Variants in OCA2 observed in about 807,000 individuals in gnomAD.
The protein encoded by OCA2 is OCA2 melanosomal transmembrane protein, also known as P protein.
In OCA2, 77 loss-of-function variants were observed where a neutral mutation model predicts 100.2. The ratio of observed to expected loss-of-function variants is 0.77; its 90% confidence interval spans 0.64 to 0.93. OCA2 has a LOEUF of 0.93. OCA2 is among the 40% of genes least tolerant of loss of function. The pLI is 0.00. For missense variants in OCA2, 1,062 were observed against 1,089.1 expected (o/e 0.98, Z 0.35); for synonymous variants, 432 against 439.2 (o/e 0.98, Z 0.21).
chr15:27,800,086 A>C (rs551412076), intron 23 of OCA2, among the ~76,000 whole-genome samples: 95 of 152,340 alleles, frequency 6.2e-4, no homozygotes, highest in African/African-American at 2.3e-3. Context: ...GAAAGTAAAT[A>C]ATGCATTTCT....
chr15:28,080,143 C>T (rs1195482759), intron 2 of OCA2, among the ~76,000 whole-genome samples: 1 of 152,174 alleles, frequency 6.6e-6, no homozygotes, highest in Non-Finnish European at 1.5e-5. Context: ...CCACACAGTC[C>T]TTCCGGCCAT....
At position 28,043,989 on chromosome 15, in the gene OCA2, T is replaced by C. The variant is rs541117296; in HGVS notation, c.228-11826A>G. On this transcript the variant is annotated intron_variant, in intron 2 of 23. Coordinates refer to ENST00000354638, the MANE Select transcript of OCA2 (RefSeq NM_000275.3). This position sits in a 1 kb window ranked among gnomAD's most constrained non-coding sequence, Gnocchi z 4.4. ...TGCTTGAGTCCTGGAAAGGAAAACATTGAGCAATGTCAACAGGAACACAGA... is the reference window on the plus strand; with the variant it reads ...TGCTTGAGTCCTGGAAAGGAAAACACTGAGCAATGTCAACAGGAACACAGA... 1.4e-3 allele frequency among the ~76,000 whole-genome samples: 220 copies of C among 152,302 alleles called. No individual in the cohort carries two copies. The highest frequency in any genetic ancestry group is 6.8e-3 in the Middle Eastern group (2 of 294).
chr15:27,994,291 A>G (rs2041652190), intron 9 of OCA2, among the ~76,000 whole-genome samples: 1 of 152,110 alleles, frequency 6.6e-6, no homozygotes, highest in Non-Finnish European at 1.5e-5. Context: ...CTAATGCCCG[A>G]TGATCTGAGG....
At chr15:28,042,762 C>T (rs573809588) in intron 2 of OCA2, among the ~76,000 whole-genome samples, 1 of 151,890 alleles carries the variant, frequency 6.6e-6, no homozygotes, top group South Asian at 2.1e-4. Context: ...ATTGCCAAAC[C>T]AAGATGCCCT....
At chr15:28,051,502 G>A (rs2043512467) in intron 2 of OCA2, among the ~76,000 whole-genome samples, 1 of 151,806 alleles carries the variant, frequency 6.6e-6, no homozygotes, top group Non-Finnish European at 1.5e-5. Flanking sequence ...ATGTTGATCA[G>A]GCTGGTCTCA....
At position 27,968,868 on chromosome 15, in the gene OCA2, G is replaced by T. The variant is rs374851811; in HGVS notation, c.1504-2046C>A. Among the ~76,000 whole-genome samples the T allele has an allele frequency of 9.0e-4, 137 of 152,162 alleles. 3 individuals carry two copies. In the South Asian group the frequency reaches 0.027, roughly 29 times the overall value. On this transcript the variant is annotated intron_variant, in intron 14 of 23. Coordinates refer to ENST00000354638, the MANE Select transcript of OCA2 (RefSeq NM_000275.3). ...CCACTTTCCCGATAGTTCTTCAATG[G>T]GGGTATTACATTGAATTTTGTGTTT...
intron 14 of OCA2, 141 bp from the exon 15 acceptor site, chr15:27,966,963 A>C (rs1176457055): frequency 1.5e-5 from 14 of 947,192 alleles, no homozygotes; most frequent in Non-Finnish European, 2.3e-5. Context: ...ACCTGTCTCT[A>C]CTAAAAAATA....
the OCA2 span, among the ~76,000 whole-genome samples, chr15:27,725,612 A>G: frequency 6.6e-6 from 1 of 152,164 alleles, no homozygotes; most frequent in Non-Finnish European, 1.5e-5. Context: ...ACGTTTCTCA[A>G]CACGGGAGCA....
chr15:28,072,410 A>T (rs938187494), intron 2 of OCA2, among the ~76,000 whole-genome samples: 1 of 152,122 alleles, frequency 6.6e-6, no homozygotes, highest in Non-Finnish European at 1.5e-5. Flanking sequence ...TAACACGGTG[A>T]AACCCCATCT....
intron 1 of OCA2, among the ~76,000 whole-genome samples, chr15:28,087,380 A>C (rs2044793751): frequency 1.3e-5 from 2 of 152,230 alleles, no homozygotes; most frequent in Non-Finnish European, 2.9e-5. Context: ...CCCTGAAAGA[A>C]TGGCTACAGG....
At chr15:27,923,751 G>C (rs1209597517) in intron 19 of OCA2, among the ~76,000 whole-genome samples, 1 of 151,934 alleles carries the variant, frequency 6.6e-6, no homozygotes, top group African/African-American at 2.4e-5. Flanking sequence ...TATAGACTTT[G>C]GTTCCTATTA....
At chr15:27,789,198 T>C (rs1204391222) in intron 23 of OCA2, among the ~76,000 whole-genome samples, 1 of 137,398 alleles carries the variant, frequency 7.3e-6, no homozygotes, top group Non-Finnish European at 1.6e-5. Flanking sequence ...TCCAGTGCTC[T>C]TTTTTTTTCT....
intron 2 of OCA2, among the ~76,000 whole-genome samples, chr15:28,046,950 T>G (rs2043366077): frequency 6.6e-6 from 1 of 152,132 alleles, no homozygotes; most frequent in Non-Finnish European, 1.5e-5. Context: ...TCTTTGAAAA[T>G]TTTGGGATCC....
At position 27,978,291 on chromosome 15, in the gene OCA2, T is replaced by C. The variant is rs549953357; in HGVS notation, c.1503+5054A>G. On this transcript the variant is annotated intron_variant, in intron 14 of 23. Coordinates refer to ENST00000354638, the MANE Select transcript of OCA2 (RefSeq NM_000275.3). ...TTCTGATATTGAGTGGCGTTTTCTATAAATATCAACTAGGTCATGTTAGTT... is the reference window on the plus strand; with the variant it reads ...TTCTGATATTGAGTGGCGTTTTCTACAAATATCAACTAGGTCATGTTAGTT... Among the ~76,000 whole-genome samples the C allele has an allele frequency of 2.6e-5, 4 of 152,338 alleles. No individual in the cohort carries two copies. In the South Asian group the frequency reaches 8.3e-4, roughly 32 times the overall value.
At chr15:27,943,610 G>A (rs980615560) in intron 18 of OCA2, among the ~76,000 whole-genome samples, 4 of 145,630 alleles carry the variant, frequency 2.7e-5, no homozygotes, top group Admixed American at 1.4e-4. Flanking sequence ...CTCGGCACAC[G>A]TATACATATG....
intron 9 of OCA2, among the ~76,000 whole-genome samples, chr15:28,009,595 G>A (rs1293572086): frequency 1.3e-5 from 2 of 151,898 alleles, no homozygotes; most frequent in Non-Finnish European, 2.9e-5. Context: ...GGCTGAGGCA[G>A]GGGAATCACT....
chr15:27,880,617 G>A (rs1478299173), intron 19 of OCA2, among the ~76,000 whole-genome samples: 1 of 152,018 alleles, frequency 6.6e-6, no homozygotes, highest in Non-Finnish European at 1.5e-5. Flanking sequence ...TCTCTTTGTA[G>A]CAATTGTGAA....
chr15:28,030,063 A>G (rs1313727904), intron 3 of OCA2, among the ~76,000 whole-genome samples: 3 of 152,244 alleles, frequency 2.0e-5, no homozygotes, highest in African/African-American at 7.2e-5. Flanking sequence ...AAGTAATTCA[A>G]GAGAAAGCAT....
chr15:27,796,097 A>G (rs74005203), intron 23 of OCA2, among the ~76,000 whole-genome samples: 1,877 of 152,358 alleles, frequency 0.012, 40 homozygotes, highest in African/African-American at 0.042. Flanking sequence ...TGCTCCAGCC[A>G]TCCACGGTTC....
Sources: gnomAD v4.1 joint callset for allele counts (sites outside exome capture counted in the v4.1 genomes callset) on GRCh38, gnomAD v4.1.1 for gene constraint, Gnocchi (gnomAD v3.1) non-coding constraint, MANE v1.5 for transcripts, NCBI Gene and HGNC (gene_info 2026-07-23, HGNC 2026-07-21) for gene names.